CD9: variants seen among roughly 807,000 people sequenced by gnomAD.
CD9 encodes CD9 antigen.
A neutral mutation model predicts 31.4 loss-of-function variants in CD9; 10 were observed. That is an observed-to-expected ratio of 0.32 (90% confidence interval 0.20 to 0.54). CD9 has a LOEUF of 0.54. Ranked by LOEUF, CD9 falls within the 20% of genes least tolerant of loss-of-function variation. The pLI is 0.94. For missense variants in CD9, 259 were observed against 300.1 expected, an observed-to-expected ratio of 0.86 and a Z score of 1.01; for synonymous variants, 113 against 114.1, an observed-to-expected ratio of 0.99 and a Z score of 0.06.
intron 7 of CD9, chr12:6,236,477 G>A: frequency 1.7e-6 from 1 of 593,754 alleles, no homozygotes; most frequent in South Asian, 2.0e-5. Context: ...CCTGAGTGGA[G>A]TATCTGAGGC....
intron 2 of CD9, chr12:6,225,809 C>CA (rs1946358051): frequency 4.5e-6 from 2 of 443,390 alleles, no homozygotes; most frequent in Admixed American, 4.0e-5. Context: ...AAGTTGTACT[C>CA]ATTCTTGAGG....
chr12:6,204,696 G>A (rs947995701), intron 1 of CD9, among the ~76,000 whole-genome samples: 2 of 152,248 alleles, frequency 1.3e-5, no homozygotes, highest in Non-Finnish European at 2.9e-5. Flanking sequence ...GGGAGTATGT[G>A]TAGTGCACTT....
chr12:6,206,277 A>G (rs1946131229), intron 1 of CD9, among the ~76,000 whole-genome samples: 1 of 151,360 alleles, frequency 6.6e-6, no homozygotes, highest in African/African-American at 2.4e-5. Flanking sequence ...GTGCAGTGTT[A>G]ACAATCATGG....
chr12:6,216,949 C>T (rs1425172557), intron 1 of CD9, among the ~76,000 whole-genome samples: 1 of 152,112 alleles, frequency 6.6e-6, no homozygotes, highest in Non-Finnish European at 1.5e-5. Flanking sequence ...TCACAGTTTT[C>T]AGAATGTTTT....
chr12:6,220,890 G>A (rs967824503), intron 1 of CD9, among the ~76,000 whole-genome samples: 1 of 152,182 alleles, frequency 6.6e-6, no homozygotes, highest in African/African-American at 2.4e-5. Context: ...ACTGAGCTCT[G>A]GACTTAGTCG....
At chr12:6,217,898 TG>T (rs1946257591) in intron 1 of CD9, among the ~76,000 whole-genome samples, 1 of 152,142 alleles carries the variant, frequency 6.6e-6, no homozygotes, top group African/African-American at 2.4e-5. Flanking sequence ...CCAAGGCAGC[TG>T]AATAGAGGAA....
At chr12:6,235,207 C>T (rs1157704320) in intron 4 of CD9, 22 bp from the exon 5 acceptor site, 1 of 1,527,492 alleles carries the variant, frequency 6.5e-7, no homozygotes, top group Non-Finnish European at 9.1e-7. Context: ...GTCTCTGCCC[C>T]TCTCTCGTCT....
chr12:6,220,814 G>T (rs998072171), intron 1 of CD9, among the ~76,000 whole-genome samples: 1 of 152,172 alleles, frequency 6.6e-6, no homozygotes, highest in Non-Finnish European at 1.5e-5. Context: ...TTCCCCTATT[G>T]TACCATCTCA....
intron 6 of CD9, chr12:6,235,941 G>T: frequency 7.2e-7 from 1 of 1,398,426 alleles, no homozygotes; most frequent in South Asian, 1.7e-5. Context: ...GTCAGAAATA[G>T]ACCCCCAAGC....
chr12:6,200,620 C>T (rs1183258218), intron 1 of CD9, 55 bp downstream of exon 1: 3 of 1,262,548 alleles, frequency 2.4e-6, no homozygotes, highest in Admixed American at 3.5e-5. Flanking sequence ...TTCGCGGGCC[C>T]CGGACACTGG....
At chr12:6,235,971 T>G (rs1360864892) in intron 6 of CD9, 1 of 1,414,626 alleles carries the variant, frequency 7.1e-7, no homozygotes, top group Admixed American at 3.0e-5. Context: ...CCCTCCTCCT[T>G]CCCTGACGTC....
At chr12:6,204,223 AC>A (rs535613733) in intron 1 of CD9, among the ~76,000 whole-genome samples, 46 of 152,108 alleles carry the variant, frequency 3.0e-4, no homozygotes, top group Admixed American at 5.2e-4. Flanking sequence ...TGAACCCAAC[AC>A]CCCTACACAT....
intron 1 of CD9, among the ~76,000 whole-genome samples, chr12:6,207,620 G>A (rs1946147350): frequency 6.6e-6 from 1 of 152,236 alleles, no homozygotes; most frequent in South Asian, 2.1e-4. Context: ...TCCAAATGCA[G>A]ACGGAAAGTC....
At chr12:6,222,308 T>C (rs1452110581) in intron 1 of CD9, among the ~76,000 whole-genome samples, 2 of 152,178 alleles carry the variant, frequency 1.3e-5, no homozygotes, top group Non-Finnish European at 2.9e-5. Flanking sequence ...CAGGGTTCAC[T>C]CCTGATTTTT....
At chr12:6,202,679 C>G (rs1341569380) in intron 1 of CD9, among the ~76,000 whole-genome samples, 3 of 152,266 alleles carry the variant, frequency 2.0e-5, no homozygotes, top group African/African-American at 7.2e-5. Flanking sequence ...CCTGCCACCC[C>G]ACTCGTATTC....
chr12:6,200,303 G>T (rs969620721), upstream of CD9: 173 of 338,088 alleles, frequency 5.1e-4, no homozygotes, highest in Non-Finnish European at 8.7e-4. Flanking sequence ...GCCGGCGGGG[G>T]GAGTGGGGGC....
chr12:6,222,921 C>A (rs958308615), intron 1 of CD9, among the ~76,000 whole-genome samples: 1 of 152,098 alleles, frequency 6.6e-6, no homozygotes, highest in African/African-American at 2.4e-5. Flanking sequence ...GTTTTCCCAG[C>A]AGATAAGGGG....
Position 6,215,560 on chromosome 12 carries a change from C to T in CD9, c.67-9866C>T, listed in dbSNP as rs562338167. Among the ~76,000 whole-genome samples the T allele has an allele frequency of 4.9e-4, 74 of 152,240 alleles. No individual in the cohort carries two copies. The South Asian group carries it at 0.014, about 28-fold the overall frequency. Reference sequence around the variant, plus strand: ...CTGGACTGGCATAGAGAAGAGTTTCCTGGGTTGCCTTTGAAGATAAGAATT... The same window carrying T: ...CTGGACTGGCATAGAGAAGAGTTTCTTGGGTTGCCTTTGAAGATAAGAATT... On this transcript the variant is annotated intron_variant, in intron 1 of 7. Coordinates refer to ENST00000009180, the MANE Select transcript of CD9 (RefSeq NM_001769.4).
intron 2 of CD9, among the ~76,000 whole-genome samples, chr12:6,231,621 G>A (rs1946447768): frequency 6.6e-6 from 1 of 152,226 alleles, no homozygotes; most frequent in Non-Finnish European, 1.5e-5. Flanking sequence ...TGGAACGAAT[G>A]GGGCCAGTGC....
Sources: gnomAD v4.1 joint callset for allele counts (sites outside exome capture counted in the v4.1 genomes callset) on GRCh38, gnomAD v4.1.1 for gene constraint, MANE v1.5 for transcripts, NCBI Gene and HGNC (gene_info 2026-07-23, HGNC 2026-07-21) for gene names.